The following ITPR1 variants were observed in gnomAD, a reference collection of about 807,000 sequenced individuals.
The protein encoded by ITPR1 is inositol 1,4,5-trisphosphate-gated calcium channel ITPR1.
ITPR1 carries 96 observed loss-of-function variants against 318.4 expected under a neutral mutation model. That is an observed-to-expected ratio of 0.30 (90% confidence interval 0.26 to 0.36). The LOEUF is 0.36. Among genes scored for constraint, ITPR1 ranks in the 10% least tolerant of loss-of-function variants. ITPR1 has a pLI of 1.00. For missense variants in ITPR1, 2,440 were observed against 3,460.2 expected (o/e 0.71, Z 7.40); for synonymous variants, 1,312 against 1,289.9 (o/e 1.02, Z -0.37).
chr3:4,732,010 G>C (rs573826687), intron 42 of ITPR1, among the ~76,000 whole-genome samples: 3 of 152,280 alleles, frequency 2.0e-5, no homozygotes, highest in Admixed American at 6.5e-5. Context: ...ACGTACCAGA[G>C]GAACTCCGTG....
At chr3:4,517,688 A>C (rs13084332) in intron 3 of ITPR1, among the ~76,000 whole-genome samples, 4 of 152,334 alleles carry the variant, frequency 2.6e-5, no homozygotes, top group Admixed American at 2.6e-4. Context: ...GTGACTTTCT[A>C]CATTTGACCT....
At chr3:4,603,444 T>G (rs1428854202) in intron 4 of ITPR1, among the ~76,000 whole-genome samples, 1 of 152,100 alleles carries the variant, frequency 6.6e-6, no homozygotes, top group African/African-American at 2.4e-5. Context: ...TTGTTTTTGT[T>G]TTTGAGACAG....
intron 60 of ITPR1, among the ~76,000 whole-genome samples, chr3:4,824,296 A>C (rs1345987158): frequency 1.3e-5 from 2 of 152,188 alleles, no homozygotes; most frequent in Non-Finnish European, 2.9e-5. Context: ...CTGTATGTGC[A>C]TGATCTCACT....
intron 44 of ITPR1, among the ~76,000 whole-genome samples, chr3:4,761,587 G>C (rs1178859425): frequency 6.6e-6 from 1 of 152,202 alleles, no homozygotes; most frequent in African/African-American, 2.4e-5. Context: ...CCAGGTTTAT[G>C]TTGAAGGGCT....
intron 4 of ITPR1, among the ~76,000 whole-genome samples, chr3:4,525,446 C>CT (rs1192032584): frequency 5.9e-5 from 9 of 152,042 alleles, no homozygotes; most frequent in African/African-American, 9.6e-5. Context: ...AAGTGAATTG[C>CT]TTTTTTTGTG....
intron 4 of ITPR1, among the ~76,000 whole-genome samples, chr3:4,532,488 C>T (rs1352487338): frequency 6.6e-6 from 1 of 152,178 alleles, no homozygotes; most frequent in African/African-American, 2.4e-5. Context: ...CCTCAGCCTC[C>T]TAATCCTGAG....
chr3:4,621,956 A>G (rs967145149), intron 4 of ITPR1, among the ~76,000 whole-genome samples: 26 of 152,176 alleles, frequency 1.7e-4, no homozygotes, highest in African/African-American at 6.0e-4. Flanking sequence ...GCATCCATAG[A>G]TAAATTTTGC....
chr3:4,535,612 T>C (rs1481255753), intron 4 of ITPR1, among the ~76,000 whole-genome samples: 2 of 151,606 alleles, frequency 1.3e-5, no homozygotes, highest in Non-Finnish European at 2.9e-5. Context: ...CCGGCTAATT[T>C]TTTTTTGTAT....
rs114327992 is a variant in ITPR1 at position 4,576,624 on chromosome 3, G to A, written c.164-51139G>A. Among the ~76,000 whole-genome samples, 1,312 of 152,330 alleles carry A rather than the reference G, an allele frequency of 8.6e-3. 8 individuals carry two copies. The highest frequency in any genetic ancestry group is 0.014 in the Non-Finnish European group (941 of 68,026). On this transcript the variant is annotated intron_variant, in intron 4 of 61. Transcript: ENST00000649015. ...TGCCAGGCAGCTCCTAGCGTTGGAC[G>A]GACTGATGGCAAAACGGGTCATGGC...
intron 61 of ITPR1, among the ~76,000 whole-genome samples, chr3:4,840,658 T>A (rs1472944889): frequency 6.6e-6 from 1 of 152,216 alleles, no homozygotes; most frequent in East Asian, 1.9e-4. Flanking sequence ...GTGGTGTCAC[T>A]TTTTCTATTA....
At chr3:4,611,133 G>A (rs987339825) in intron 4 of ITPR1, among the ~76,000 whole-genome samples, 6 of 139,778 alleles carry the variant, frequency 4.3e-5, no homozygotes, top group African/African-American at 8.4e-5. Flanking sequence ...GGTGGCTCAC[G>A]CCTGTTATCT....
chr3:4,494,264 A>T (rs541824017), intron 1 of ITPR1, among the ~76,000 whole-genome samples, 167 bp from the exon 2 acceptor site: 6 of 152,388 alleles, frequency 3.9e-5, no homozygotes, highest in African/African-American at 1.4e-4. Flanking sequence ...GTTACCTGGA[A>T]TCTTCGCCCA....
intron 46 of ITPR1, among the ~76,000 whole-genome samples, chr3:4,771,634 G>T (rs1269649754): frequency 6.6e-6 from 1 of 152,146 alleles, no homozygotes; most frequent in Non-Finnish European, 1.5e-5. Flanking sequence ...CCCATGGACA[G>T]AAGCACCTTT....
At chr3:4,530,743 T>C (rs1021232729) in intron 4 of ITPR1, among the ~76,000 whole-genome samples, 2 of 151,972 alleles carry the variant, frequency 1.3e-5, no homozygotes, top group Non-Finnish European at 2.9e-5. Context: ...TTTGCACCAC[T>C]GCACTCCAGC....
At chr3:4,618,044 A>G (rs1559546082) in intron 4 of ITPR1, among the ~76,000 whole-genome samples, 1 of 152,014 alleles carries the variant, frequency 6.6e-6, no homozygotes, top group Non-Finnish European at 1.5e-5. Context: ...AAAGTCAAAT[A>G]TAGGGTGTTG....
At chr3:4,772,933 C>T (rs747750056) in intron 46 of ITPR1, among the ~76,000 whole-genome samples, 2 of 152,206 alleles carry the variant, frequency 1.3e-5, no homozygotes, top group African/African-American at 2.4e-5. Flanking sequence ...AACACGTGGG[C>T]CCAGCTAGCC....
intron 4 of ITPR1, among the ~76,000 whole-genome samples, chr3:4,541,342 G>A (rs184231): frequency 0.77 from 117,200 of 152,036 alleles, 46,982 homozygotes; most frequent in Non-Finnish European, 0.89. Context: ...TTATTTTTAG[G>A]TGACAGTTTT....
chr3:4,687,065 A>G lies in ITPR1; in HGVS notation c.3703-1430A>G, dbSNP rs1406995361. 5.3e-5 allele frequency among the ~76,000 whole-genome samples: 8 copies of G among 152,370 alleles called. No individual in the cohort carries two copies. The East Asian group carries it at 7.7e-4, about 15-fold the overall frequency. On this transcript the variant is annotated intron_variant, in intron 30 of 61. Transcript: ENST00000649015. Reference sequence around the variant, plus strand: ...TCCTCCCACAACTCTGTTTTGTCACAGAGTTATTTTTCTAGACCAGGGGTT... The same window carrying G: ...TCCTCCCACAACTCTGTTTTGTCACGGAGTTATTTTTCTAGACCAGGGGTT...
At chr3:4,521,187 T>C (rs532118767) in intron 4 of ITPR1, 93 bp downstream of exon 4, 1 of 753,488 alleles carries the variant, frequency 1.3e-6, no homozygotes, top group East Asian at 2.6e-5. Context: ...ATAAGCAAAA[T>C]AGGCTTATTT....
Sources: allele counts gnomAD v4.1 joint callset (sites outside exome capture counted in the v4.1 genomes callset), GRCh38; gene constraint gnomAD v4.1.1; transcripts MANE v1.5; gene names NCBI Gene and HGNC (gene_info 2026-07-23, HGNC 2026-07-21).